UVRAG: variants seen among roughly 807,000 people sequenced by gnomAD.
UVRAG encodes UV radiation resistance associated.
A neutral mutation model predicts 78.0 loss-of-function variants in UVRAG; 19 were observed. The observed-to-expected ratio is 0.24, with a 90% CI of 0.17 to 0.36. The LOEUF is 0.36. Among genes scored for constraint, UVRAG ranks in the 10% least tolerant of loss-of-function variants. The pLI, the probability that UVRAG is intolerant of heterozygous loss-of-function variation, is 1.00. For synonymous variants in UVRAG, 323 were observed against 324.6 expected, an observed-to-expected ratio of 1.00 and a Z score of 0.05; for missense variants, 740 against 853.8, an observed-to-expected ratio of 0.87 and a Z score of 1.66.
chr11:75,880,480 A>G (rs924071513), intron 4 of UVRAG, among the ~76,000 whole-genome samples: 17 of 152,200 alleles, frequency 1.1e-4, no homozygotes, highest in Admixed American at 1.1e-3. Flanking sequence ...ACAGGATGAC[A>G]CCTGCTTGGA....
intron 12 of UVRAG, among the ~76,000 whole-genome samples, chr11:76,056,442 G>C (rs935598856): frequency 1.3e-5 from 2 of 152,198 alleles, no homozygotes; most frequent in Non-Finnish European, 2.9e-5. Flanking sequence ...TCCGTAGAGC[G>C]TAATGTACAT....
intron 12 of UVRAG, among the ~76,000 whole-genome samples, chr11:76,037,684 A>G (rs1255063709): frequency 6.6e-6 from 1 of 152,040 alleles, no homozygotes; most frequent in East Asian, 1.9e-4. Context: ...TACACTCCAG[A>G]CTGGGTGAAA....
At chr11:75,982,811 T>A (rs145149811) in intron 7 of UVRAG, among the ~76,000 whole-genome samples, 2 of 152,258 alleles carry the variant, frequency 1.3e-5, no homozygotes, top group African/African-American at 4.8e-5. Context: ...TTTTTAAGGT[T>A]GATCCATGTT....
intron 14 of UVRAG, among the ~76,000 whole-genome samples, chr11:76,137,951 C>T (rs936473378): frequency 5.9e-5 from 9 of 152,062 alleles, no homozygotes; most frequent in East Asian, 1.9e-4. Context: ...GAGAGAGAAC[C>T]TTTTACTGGT....
intron 13 of UVRAG, among the ~76,000 whole-genome samples, chr11:76,095,968 T>A (rs1307271672): frequency 6.6e-6 from 1 of 151,530 alleles, no homozygotes; most frequent in Non-Finnish European, 1.5e-5. Flanking sequence ...GATTAAAAAC[T>A]GTAAACAAAA....
chr11:76,036,287 G>A (rs1370110419), intron 12 of UVRAG, among the ~76,000 whole-genome samples: 1 of 152,188 alleles, frequency 6.6e-6, no homozygotes, highest in Non-Finnish European at 1.5e-5. Context: ...GGCAGCTCAT[G>A]CCTGTAATCT....
chr11:76,050,322 C>T (rs1397662491), intron 12 of UVRAG, among the ~76,000 whole-genome samples: 1 of 152,202 alleles, frequency 6.6e-6, no homozygotes, highest in East Asian at 1.9e-4. Context: ...GTATTGATTC[C>T]TGTGTTTTGT....
At chr11:76,068,986 A>G (rs1389977921) in intron 13 of UVRAG, among the ~76,000 whole-genome samples, 2 of 152,246 alleles carry the variant, frequency 1.3e-5, no homozygotes, top group African/African-American at 4.8e-5. Flanking sequence ...AAGCATTGGC[A>G]TGTGTTAAAG....
chr11:76,113,760 G>A lies in UVRAG; in HGVS notation c.1306-2164G>A, dbSNP rs577758758. 1.3e-3 allele frequency among the ~76,000 whole-genome samples: 195 copies of A among 151,880 alleles called. 1 individual carries two copies. Among genetic ancestry groups the A allele is most frequent in the African/African-American group, 4.5e-3 (186 of 41,416 alleles). On this transcript the variant is annotated intron_variant, in intron 13 of 14. Transcript: ENST00000356136. ...TGGGCAGGATGCTCTTGTCTTCCTG[G>A]GCCTTAGTTTCTTCATTTATAAGAG...
At chr11:76,134,337 C>T (rs549566409) in intron 14 of UVRAG, among the ~76,000 whole-genome samples, 1 of 149,648 alleles carries the variant, frequency 6.7e-6, no homozygotes, top group South Asian at 2.2e-4. Context: ...GATCATAGCT[C>T]ACTGCAAGCT....
At chr11:75,901,344 C>T in intron 5 of UVRAG, among the ~76,000 whole-genome samples, 1 of 152,160 alleles carries the variant, frequency 6.6e-6, no homozygotes, top group Middle Eastern at 3.4e-3. Context: ...TCAAAGCTCA[C>T]TTATGGTTTT....
intron 13 of UVRAG, among the ~76,000 whole-genome samples, chr11:76,101,395 A>G (rs1395215495): frequency 6.6e-6 from 1 of 151,884 alleles, no homozygotes; most frequent in African/African-American, 2.4e-5. Context: ...ATACTTTTGA[A>G]CAGACACTTT....
intron 13 of UVRAG, among the ~76,000 whole-genome samples, chr11:76,080,109 A>C (rs1387734972): frequency 6.6e-6 from 1 of 152,138 alleles, no homozygotes; most frequent in Admixed American, 6.5e-5. Flanking sequence ...TAATCCATTC[A>C]TGAGGGTGGA....
intron 10 of UVRAG, 30 bp from the exon 11 acceptor site, chr11:76,008,777 A>G (rs1169431825): frequency 2.4e-6 from 3 of 1,270,368 alleles, no homozygotes; most frequent in Non-Finnish European, 3.3e-6. Flanking sequence ...TGCTTTATTT[A>G]TTAATTTTAT....
intron 4 of UVRAG, among the ~76,000 whole-genome samples, chr11:75,883,657 T>TTA (rs1463305832): frequency 6.6e-6 from 1 of 152,212 alleles, no homozygotes; most frequent in East Asian, 1.9e-4. Flanking sequence ...GACAAGGTTC[T>TTA]TAGACCCGGT....
At chr11:75,850,877 T>G (rs1224756694) in intron 1 of UVRAG, among the ~76,000 whole-genome samples, 1 of 152,230 alleles carries the variant, frequency 6.6e-6, no homozygotes, top group Non-Finnish European at 1.5e-5. Flanking sequence ...TCTCAAAGAA[T>G]CTTAATCTCT....
At chr11:76,002,762 G>T (rs1351377138) in intron 8 of UVRAG, among the ~76,000 whole-genome samples, 1 of 152,136 alleles carries the variant, frequency 6.6e-6, no homozygotes, top group African/African-American at 2.4e-5. Flanking sequence ...TATGTTGAAA[G>T]AGAAGAGAAG....
At chr11:75,941,298 A>G (rs1948478726) in intron 6 of UVRAG, among the ~76,000 whole-genome samples, 1 of 152,086 alleles carries the variant, frequency 6.6e-6, no homozygotes, top group African/African-American at 2.4e-5. Context: ...ACTTCTCCAT[A>G]TCTTTATTAT....
intron 12 of UVRAG, among the ~76,000 whole-genome samples, chr11:76,023,027 A>T (rs1431116313): frequency 1.3e-5 from 2 of 152,116 alleles, no homozygotes; most frequent in African/African-American, 4.8e-5. Context: ...TAGCATATAA[A>T]AACTCTGTTT....
Sources: allele counts gnomAD v4.1 joint callset (sites outside exome capture counted in the v4.1 genomes callset), GRCh38; gene constraint gnomAD v4.1.1; transcripts MANE v1.5; gene names NCBI Gene and HGNC (gene_info 2026-07-23, HGNC 2026-07-21).